The following RD3 variants were observed in gnomAD, a reference collection of about 807,000 sequenced individuals.
The protein encoded by RD3 is protein RD3.
Under a neutral mutation model 16.9 loss-of-function variants are expected in RD3, and 11 were observed. That is an observed-to-expected ratio of 0.65 (90% confidence interval 0.41 to 1.08). RD3 has a LOEUF of 1.08. RD3 is among the 50% of genes least tolerant of loss of function. The pLI, the probability that RD3 is intolerant of heterozygous loss-of-function variation, is 0.00. For synonymous variants in RD3, 116 were observed against 114.8 expected (o/e 1.01, Z -0.07); for missense variants, 274 against 267.4 (o/e 1.02, Z -0.17).
rs1471639514 is a variant in RD3 at position 211,481,265 on chromosome 1, C to G, written c.151G>C (p.Val51Leu). The G allele has an allele frequency of 6.2e-7, 1 of 1,614,262 alleles. No individual in the cohort carries two copies. Among genetic ancestry groups the G allele is most frequent in the Non-Finnish European group, 8.5e-7 (1 of 1,180,050 alleles). Residue 51 changes from valine to leucine, a missense_variant, in exon 2 of 3, where the codon GTC becomes CTC. Physicochemically the swap from Val to Leu is conservative, Grantham distance 32. Transcript: ENST00000680073. ...TCCACACCGGTGCAGACCTTTCTGACCGCATTGCTGCGCTCCCGCTGCTGC... is the reference window on the plus strand; with the variant it reads ...TCCACACCGGTGCAGACCTTTCTGAGCGCATTGCTGCGCTCCCGCTGCTGC... ...ERQQRERSNAVRKVCTGVDYS... is the reference protein window; with the variant it reads ...ERQQRERSNALRKVCTGVDYS...
intron 2 of RD3, among the ~76,000 whole-genome samples, chr1:211,479,835 C>A (rs1705227316): frequency 6.6e-6 from 1 of 152,222 alleles, no homozygotes; most frequent in Non-Finnish European, 1.5e-5. Flanking sequence ...GAAGACCCTG[C>A]ACATCAGCTG....
intron 2 of RD3, among the ~76,000 whole-genome samples, chr1:211,479,730 T>C (rs936382163): frequency 2.0e-5 from 3 of 152,204 alleles, no homozygotes; most frequent in Non-Finnish European, 4.4e-5. Context: ...CAGCATGATC[T>C]TTCTGAAACC....
At position 211,478,991 on chromosome 1, in the gene RD3, TC is replaced by T; in HGVS notation, c.*44del. On this transcript the variant is annotated 3_prime_UTR_variant, in exon 3 of 3. Coordinates refer to ENST00000680073, the MANE Select transcript of RD3 (RefSeq NM_001164688.2). The stretch of plus-strand genomic sequence containing the variant: ...GGCGCTCCGGTCACCGGCCTATCAT[TC>T]CCCCTGCAGAAGGCTCCGCTTCTGG... 6.5e-7 allele frequency: 1 copy of T among 1,528,922 alleles called. No individual in the cohort carries two copies. Among genetic ancestry groups the T allele is most frequent in the Non-Finnish European group, 8.8e-7 (1 of 1,139,842 alleles). 94.7% of individuals were successfully genotyped at this position (1,528,922 alleles called of 1,614,324 possible).
chr1:211,481,451 TC>T, intron 1 of RD3, 25 bp from the exon 2 acceptor site: 1 of 1,607,210 alleles, frequency 6.2e-7, no homozygotes, highest in South Asian at 1.1e-5. Context: ...CAGATGTGCA[TC>T]TTTCCTGGGC....
intron 1 of RD3, among the ~76,000 whole-genome samples, chr1:211,489,800 G>A (rs1705450131): frequency 6.6e-6 from 1 of 152,112 alleles, no homozygotes; most frequent in Non-Finnish European, 1.5e-5. Context: ...TGTTGGGAGA[G>A]CTGAGCCTCC....
At chr1:211,482,345 T>A (rs1001168622) in intron 1 of RD3, among the ~76,000 whole-genome samples, 1 of 151,956 alleles carries the variant, frequency 6.6e-6, no homozygotes, top group Non-Finnish European at 1.5e-5. Flanking sequence ...GAAAGGATGA[T>A]GCCAGGATCC....
intron 2 of RD3, 91 bp downstream of exon 2, chr1:211,481,029 G>T: frequency 1.5e-6 from 2 of 1,352,662 alleles, no homozygotes; most frequent in Non-Finnish European, 2.1e-6. Flanking sequence ...CAGGCTCCCT[G>T]ACTCTAGTCC....
chr1:211,481,136 C>T lies in RD3; in HGVS notation c.280G>A (p.Gly94Arg). 1 of 1,614,222 alleles carries T rather than the reference C, an allele frequency of 6.2e-7. No individual in the cohort carries two copies. Among genetic ancestry groups the T allele is most frequent in the Non-Finnish European group, 8.5e-7 (1 of 1,180,036 alleles). Residue 94 changes from glycine to arginine, a missense_variant, in exon 2 of 3, where the codon GGG becomes AGG. By Grantham distance (125) the Gly-to-Arg change is moderately radical. Coordinates refer to ENST00000680073, the MANE Select transcript of RD3 (RefSeq NM_001164688.2). Reference sequence around the variant, plus strand: ...AGTGCTCACCTGAGGATAGCAGGCCCACAATAGGATGGGTGGATCTTAACG... The same window carrying T: ...AGTGCTCACCTGAGGATAGCAGGCCTACAATAGGATGGGTGGATCTTAACG... ...VCVKIHPSYC[G>R]PAILRFRQLL...
At chr1:211,488,039 A>G (rs1052338053) in intron 1 of RD3, among the ~76,000 whole-genome samples, 1 of 152,234 alleles carries the variant, frequency 6.6e-6, no homozygotes, top group African/African-American at 2.4e-5. Context: ...TGTTCTCTGC[A>G]TAACCGCTAC....
In RD3 at chr1:211,476,530, G is replaced by C. The variant is rs1203206328; in HGVS notation, c.*2506C>G. 2.0e-5 allele frequency: 3 copies of C among 152,198 alleles called. No individual in the cohort carries two copies. The highest frequency in any genetic ancestry group is 7.2e-5 in the African/African-American group (3 of 41,530). 9.4% of individuals were successfully genotyped at this position (152,198 alleles called of 1,614,324 possible). A position where few individuals can be genotyped will look rare whatever the true frequency, so the allele number is the denominator to read the frequency against. On this transcript the variant is annotated 3_prime_UTR_variant, in exon 3 of 3. Coordinates refer to ENST00000680073, the MANE Select transcript of RD3 (RefSeq NM_001164688.2). The stretch of plus-strand genomic sequence containing the variant: ...TTACAAGGACACTCTCAAACTTTTT[G>C]TTCTTTTATTTGTGGTTATTGAGGT...
Position 211,477,584 on chromosome 1 carries a change from C to G in RD3, c.*1452G>C, listed in dbSNP as rs1482581056. ...AATTACATTAATAAGCCAATCAACTCTTTCATCTTGATAGTGTTGGATCAG... is the reference window on the plus strand; with the variant it reads ...AATTACATTAATAAGCCAATCAACTGTTTCATCTTGATAGTGTTGGATCAG... On this transcript the variant is annotated 3_prime_UTR_variant, in exon 3 of 3. Coordinates refer to ENST00000680073, the MANE Select transcript of RD3 (RefSeq NM_001164688.2). 2.6e-5 allele frequency: 4 copies of G among 152,472 alleles called. No homozygotes were observed. Among genetic ancestry groups the G allele is most frequent in the Non-Finnish European group, 5.9e-5 (4 of 68,256 alleles). 9.4% of individuals were successfully genotyped at this position (152,472 alleles called of 1,614,324 possible).
chr1:211,488,751 G>A (rs554342625), intron 1 of RD3, among the ~76,000 whole-genome samples: 2 of 152,268 alleles, frequency 1.3e-5, no homozygotes, highest in East Asian at 3.9e-4. Flanking sequence ...GAGCCGGGGT[G>A]GGGACAGAGT....
rs370712983 is a variant in RD3, at chr1:211,481,245, A to C, written c.171T>G (p.Gly57=). 60 of 1,614,134 alleles carry C rather than the reference A, an allele frequency of 3.7e-5. No homozygotes were observed. Among genetic ancestry groups the C allele is most frequent in the Admixed American group, 1.3e-4 (8 of 60,016 alleles). Residue 57 remains glycine, a synonymous_variant, in exon 2 of 3, where the codon GGT becomes GGG. Transcript: ENST00000680073. ...RSNAVRKVCT[G]VDYSWLASTP... is the part of the protein sequence containing the mutation. ...TGCTGGCCAGCCAGCTGTAGTCCACACCGGTGCAGACCTTTCTGACCGCAT... is the reference window on the plus strand; with the variant it reads ...TGCTGGCCAGCCAGCTGTAGTCCACCCCGGTGCAGACCTTTCTGACCGCAT...
Position 211,479,118 on chromosome 1 carries a change from A to T in RD3, c.506T>A (p.Ile169Asn), listed in dbSNP as rs1385815442. 6.2e-7 allele frequency: 1 copy of T among 1,612,434 alleles called. No individual in the cohort carries two copies. The highest frequency in any genetic ancestry group is 1.7e-5 in the Admixed American group (1 of 59,912). The change falls in exon 3 of 3, where the codon ATC becomes AAC. Residue 169 changes from isoleucine to asparagine, a missense_variant. Coordinates refer to ENST00000680073, the MANE Select transcript of RD3 (RefSeq NM_001164688.2). Reference sequence around the variant, plus strand: ...TGTGTCCCGCTCCACGTCCTCGGAGATGGTCCTGATGTCGCTGGCGAAGGG... The same window carrying T: ...TGTGTCCCGCTCCACGTCCTCGGAGTTGGTCCTGATGTCGCTGGCGAAGGG... ...ISPFASDIRTISEDVERDTPP... is the reference protein window; with the variant it reads ...ISPFASDIRTNSEDVERDTPP...
chr1:211,481,110 C>CA lies in RD3; in HGVS notation c.296+9dup. ...TGCAGCCCAGCAAGGGTCCCCATCCCAGTGCTCACCTGAGGATAGCAGGCC... is the reference window on the plus strand; with the variant it reads ...TGCAGCCCAGCAAGGGTCCCCATCCCAAGTGCTCACCTGAGGATAGCAGGCC... On this transcript the variant is annotated intron_variant, in intron 2 of 2. Transcript: ENST00000680073. The CA allele has an allele frequency of 8.1e-6, 13 of 1,613,988 alleles. No individual in the cohort carries two copies. Among genetic ancestry groups the CA allele is most frequent in the Non-Finnish European group, 1.1e-5 (13 of 1,179,898 alleles).
At chr1:211,484,354 A>AGACCT (rs964786305) in intron 1 of RD3, among the ~76,000 whole-genome samples, 1 of 152,252 alleles carries the variant, frequency 6.6e-6, no homozygotes, top group South Asian at 2.1e-4. Flanking sequence ...CAAGCCCCAC[A>AGACCT]GACCTGACCT....
chr1:211,485,477 G>A lies in RD3; in HGVS notation c.-11-4051C>T, dbSNP rs112839128. 8.1e-3 allele frequency among the ~76,000 whole-genome samples: 1,241 copies of A among 152,280 alleles called. 23 individuals carry two copies. Among genetic ancestry groups the A allele is most frequent in the African/African-American group, 0.028 (1,172 of 41,550 alleles). On this transcript the variant is annotated intron_variant, in intron 1 of 2. Transcript: ENST00000680073. Reference sequence around the variant, plus strand: ...GCAAAGGAGGGAGGGAGAGACAGAGGGAGGAAGAACAGAGACAGAGAGGCA... The same window carrying A: ...GCAAAGGAGGGAGGGAGAGACAGAGAGAGGAAGAACAGAGACAGAGAGGCA...
At chr1:211,490,182 A>G (rs1363853042) in intron 1 of RD3, among the ~76,000 whole-genome samples, 1 of 152,198 alleles carries the variant, frequency 6.6e-6, no homozygotes, top group East Asian at 1.9e-4. Context: ...GGATGTCTCA[A>G]TGGTGGGAAC....
rs1705420795 is a variant in RD3, at chr1:211,488,500, A to C, written c.-12+3268T>G. On this transcript the variant is annotated intron_variant, in intron 1 of 2. Transcript: ENST00000680073. Reference sequence around the variant, plus strand: ...CAGTGAGCCAAGATGGTGCCACTGCACTCCAGCCTAGGCGACAGAACAAGA... The same window carrying C: ...CAGTGAGCCAAGATGGTGCCACTGCCCTCCAGCCTAGGCGACAGAACAAGA... 1.0e-4 allele frequency among the ~76,000 whole-genome samples: 15 copies of C among 147,052 alleles called. No individual in the cohort carries two copies. The South Asian group carries it at 3.3e-3, about 32-fold the overall frequency.
Sources: allele counts gnomAD v4.1 joint callset (sites outside exome capture counted in the v4.1 genomes callset), GRCh38; gene constraint gnomAD v4.1.1; transcripts MANE v1.5; gene names NCBI Gene and HGNC (gene_info 2026-07-23, HGNC 2026-07-21).